ROCK2: variants seen among roughly 807,000 people sequenced by gnomAD.
ROCK2 encodes the protein rho-associated protein kinase 2.
ROCK2 carries 61 observed loss-of-function variants against 195.1 expected under a neutral mutation model. The ratio of observed to expected loss-of-function variants is 0.31; its 90% confidence interval spans 0.25 to 0.39. The LOEUF (loss-of-function observed/expected upper bound fraction) is 0.39, where lower values mean the gene tolerates loss of function less well. ROCK2 is among the 10% of genes least tolerant of loss of function. The pLI is 1.00. For missense variants in ROCK2, 1,109 were observed against 1,637.4 expected (o/e 0.68, Z 5.57); for synonymous variants, 504 against 545.5 (o/e 0.92, Z 1.06).
chr2:11,186,166 C>T (rs753327950), intron 32 of ROCK2, among the ~76,000 whole-genome samples: 10 of 152,180 alleles, frequency 6.6e-5, no homozygotes, highest in Admixed American at 3.9e-4. Context: ...AGAAAACACA[C>T]AAACAGATAT....
chr2:11,201,958 C>T lies in ROCK2; in HGVS notation c.2619+94G>A. ...CTTAAACTATCTACATTCTTTTGCC[C>T]AGCTGCTCTTTTTATATGAGTTGTA... On this transcript the variant is annotated intron_variant, in intron 21 of 32. Transcript: ENST00000315872. The surrounding 1 kb of genome is among the most constrained non-coding windows in gnomAD (Gnocchi z 4.6). 1 of 894,238 alleles carries T rather than the reference C, an allele frequency of 1.1e-6. No individual in the cohort carries two copies. Among genetic ancestry groups the T allele is most frequent in the South Asian group, 1.4e-5 (1 of 70,786 alleles). 55.4% of individuals were successfully genotyped at this position (894,238 alleles called of 1,614,324 possible).
chr2:11,195,174 G>A, intron 27 of ROCK2, 149 bp from the exon 28 acceptor site: 1 of 419,180 alleles, frequency 2.4e-6, no homozygotes, highest in Non-Finnish European at 4.2e-6. Flanking sequence ...TACAGTAATA[G>A]TACAGGATCA....
chr2:11,294,248 G>C (rs1667445975), intron 1 of ROCK2, among the ~76,000 whole-genome samples: 1 of 152,164 alleles, frequency 6.6e-6, no homozygotes, highest in South Asian at 2.1e-4. Context: ...TTATTGATTT[G>C]ATCAAGGTTT....
chr2:11,263,676 A>C (rs576224455), intron 3 of ROCK2, among the ~76,000 whole-genome samples: 1,861 of 138,228 alleles, frequency 0.013, 15 homozygotes, highest in African/African-American at 0.035. Context: ...CACACACAAA[A>C]AAAAACAAAG....
chr2:11,338,580 G>A (rs142520486), intron 1 of ROCK2, among the ~76,000 whole-genome samples: 222 of 152,240 alleles, frequency 1.5e-3, no homozygotes, highest in Non-Finnish European at 2.5e-3. Context: ...AGGACTGTGC[G>A]TCGTCGGATT....
Position 11,227,311 on chromosome 2 carries a change from A to G in ROCK2, c.811T>C (p.Tyr271His), listed in dbSNP as rs1281824632. Residue 271 changes from tyrosine to histidine, a missense_variant, in exon 6 of 33, where the codon TAT becomes CAT. Physicochemically the swap from Tyr to His is moderately conservative, Grantham distance 83. Coordinates refer to ENST00000315872, the MANE Select transcript of ROCK2 (RefSeq NM_004850.5). ...VLKSQGGDGF[Y>H]GRECDWWSVG... ...GACCACCAATCACATTCTCGCCCAT[A>G]GAAACCATCACCCCCTTGTGATTTC... 1.9e-6 allele frequency: 3 copies of G among 1,613,896 alleles called. No individual in the cohort carries two copies. In the African/African-American group the frequency reaches 4.0e-5, roughly 22 times the overall value.
intron 1 of ROCK2, chr2:11,308,336 A>G (rs1041734507): frequency 4.4e-5 from 51 of 1,164,382 alleles, no homozygotes; most frequent in African/African-American, 3.3e-4. Context: ...TACATATAAT[A>G]AAGAATTCCC....
intron 5 of ROCK2, among the ~76,000 whole-genome samples, chr2:11,231,964 CTAAA>C (rs1665028503): frequency 6.6e-6 from 1 of 152,094 alleles, no homozygotes; most frequent in South Asian, 2.1e-4. Context: ...GGGCCAGACT[CTAAA>C]TATTTTGGCT....
At chr2:11,292,372 CAT>C (rs1160739722) in intron 1 of ROCK2, among the ~76,000 whole-genome samples, 1 of 152,054 alleles carries the variant, frequency 6.6e-6, no homozygotes, top group African/African-American at 2.4e-5. Context: ...TTCCTCACAG[CAT>C]ATAAGTTAAT....
At chr2:11,289,613 A>AAT (rs1667299877) in intron 1 of ROCK2, among the ~76,000 whole-genome samples, 1 of 152,204 alleles carries the variant, frequency 6.6e-6, no homozygotes. Context: ...AAACAGATAG[A>AAT]ATATTAACAC....
Position 11,222,180 on chromosome 2 carries a change from C to A in ROCK2, c.1008-6G>T. On this transcript the variant is annotated splice_polypyrimidine_tract_variant and splice_region_variant and intron_variant, in intron 7 of 32. Coordinates refer to ENST00000315872, the MANE Select transcript of ROCK2 (RefSeq NM_004850.5). ...TTCTCCCAAGTCGTACCTCCCTAAA[C>A]AATGCAGTTAAAGATTGTATTATTT... 6.5e-7 allele frequency: 1 copy of A among 1,528,196 alleles called. No homozygotes were observed. 94.7% of individuals were successfully genotyped at this position (1,528,196 alleles called of 1,614,324 possible). A position where few individuals can be genotyped will look rare whatever the true frequency, so the allele number is the denominator to read the frequency against.
At position 11,215,584 on chromosome 2, in the gene ROCK2, A is replaced by C. The variant is rs1467487602; in HGVS notation, c.1523T>G (p.Leu508Arg). The C allele has an allele frequency of 6.2e-7, 1 of 1,613,666 alleles. No homozygotes were observed. ...CTGATATTCTGCATTTTTGTGCTGA[A>C]GAAGCGCCTTTTCTCTTTCTAACTG... Reference protein sequence around the residue: ...LRQLEREKALLQHKNAEYQRK... With the variant: ...LRQLEREKALRQHKNAEYQRK... The change falls in exon 14 of 33, where the codon CTT becomes CGT. Residue 508 changes from leucine to arginine, a missense_variant. By Grantham distance (102) the Leu-to-Arg change is moderately radical (BLOSUM62 -2). This residue lies in a region of ROCK2 where 542 missense variants were observed against 672.0 expected (regional missense o/e 0.81). Transcript: ENST00000315872.
chr2:11,219,689 T>A (rs903939227), intron 9 of ROCK2, among the ~76,000 whole-genome samples: 1 of 151,786 alleles, frequency 6.6e-6, no homozygotes, highest in African/African-American at 2.4e-5. Context: ...GGCTGGAGTA[T>A]AGCGGTACAA....
At chr2:11,322,572 T>C (rs1668434210) in intron 1 of ROCK2, among the ~76,000 whole-genome samples, 1 of 152,106 alleles carries the variant, frequency 6.6e-6, no homozygotes, top group South Asian at 2.1e-4. Context: ...GTGTTTGTTA[T>C]CTGCTGCTCA....
intron 4 of ROCK2, among the ~76,000 whole-genome samples, chr2:11,240,783 T>G (rs62121446): frequency 0.38 from 57,544 of 152,128 alleles, 13,065 homozygotes; most frequent in Admixed American, 0.51. Context: ...CCTCATAAAG[T>G]TCTATTATAA....
At chr2:11,326,498 G>C (rs565198039) in intron 1 of ROCK2, among the ~76,000 whole-genome samples, 1 of 152,314 alleles carries the variant, frequency 6.6e-6, no homozygotes, top group African/African-American at 2.4e-5. Context: ...AGACAACAGA[G>C]AAGTACACAA....
chr2:11,206,172 A>AT (rs1664044906), intron 20 of ROCK2, among the ~76,000 whole-genome samples: 1 of 152,118 alleles, frequency 6.6e-6, no homozygotes, highest in African/African-American at 2.4e-5. Context: ...TTCAATTTTA[A>AT]CCCTACAATG....
chr2:11,272,371 C>G (rs931769019), intron 3 of ROCK2, among the ~76,000 whole-genome samples: 5 of 152,116 alleles, frequency 3.3e-5, no homozygotes, highest in African/African-American at 1.2e-4. Flanking sequence ...ATTATAATTG[C>G]ACTTTTTGCT....
In ROCK2 at chr2:11,247,594, T is replaced by C. The variant is rs1031144578; in HGVS notation, c.462+2067A>G. ...AATTAACACTTTATAAAGGTTCACA[T>C]AGCAGAATTAAAGATCAAAGAATAT... On this transcript the variant is annotated intron_variant, in intron 4 of 32. Coordinates refer to ENST00000315872, the MANE Select transcript of ROCK2 (RefSeq NM_004850.5). Among the ~76,000 whole-genome samples the C allele has an allele frequency of 2.6e-5, 4 of 152,220 alleles. No homozygotes were observed. In the East Asian group the frequency reaches 5.8e-4, roughly 22 times the overall value.
Sources: gnomAD v4.1 joint callset for allele counts (sites outside exome capture counted in the v4.1 genomes callset) on GRCh38, gnomAD v4.1.1 for gene constraint, gnomAD v4.1.1 regional missense constraint, Gnocchi (gnomAD v3.1) non-coding constraint, MANE v1.5 for transcripts, NCBI Gene and HGNC (gene_info 2026-07-23, HGNC 2026-07-21) for gene names.